Variants in CPNE8 observed in about 807,000 individuals in gnomAD.
CPNE8 encodes the protein copine-8.
A neutral mutation model predicts 81.5 loss-of-function variants in CPNE8; 45 were observed. The ratio of observed to expected loss-of-function variants is 0.55; its 90% CI spans 0.44 to 0.71. The LOEUF (loss-of-function observed/expected upper bound fraction) is 0.71, where lower values mean the gene tolerates loss of function less well. CPNE8 is among the 30% of genes least tolerant of loss of function. The pLI is 0.00. For synonymous variants in CPNE8, 252 were observed against 226.3 expected (o/e 1.11, Z -1.02); for missense variants, 594 against 672.1 (o/e 0.88, Z 1.28).
intron 1 of CPNE8, among the ~76,000 whole-genome samples, chr12:38,876,213 T>C (rs985654610): frequency 1.3e-5 from 2 of 152,124 alleles, no homozygotes; most frequent in Non-Finnish European, 2.9e-5. Flanking sequence ...ATAGGACAGA[T>C]GAGTATTCTT....
upstream of CPNE8, chr12:38,906,392 G>C: frequency 1.0e-6 from 1 of 985,520 alleles, no homozygotes; most frequent in Non-Finnish European, 1.2e-6. Context: ...GAAGCAATCT[G>C]GATTCTGTCT....
At chr12:38,756,771 C>T (rs1402117431) in intron 10 of CPNE8, among the ~76,000 whole-genome samples, 1 of 152,166 alleles carries the variant, frequency 6.6e-6, no homozygotes, top group African/African-American at 2.4e-5. Flanking sequence ...ATGCATATTA[C>T]ATGGACTTCA....
intron 19 of CPNE8, among the ~76,000 whole-genome samples, 194 bp from the exon 20 acceptor site, chr12:38,654,264 C>T (rs937661584): frequency 2.6e-5 from 4 of 151,702 alleles, no homozygotes; most frequent in Non-Finnish European, 5.9e-5. Flanking sequence ...GCCTGTAATC[C>T]CAGCACTTTG....
chr12:38,712,717 A>C (rs1227904842), intron 13 of CPNE8, among the ~76,000 whole-genome samples: 1 of 152,104 alleles, frequency 6.6e-6, no homozygotes, highest in Admixed American at 6.5e-5. Context: ...CTCTTTAAAA[A>C]TTTTTTTCAA....
At chr12:38,825,039 G>A (rs1364416200) in intron 6 of CPNE8, among the ~76,000 whole-genome samples, 1 of 152,146 alleles carries the variant, frequency 6.6e-6, no homozygotes, top group Non-Finnish European at 1.5e-5. Context: ...AAGGCAGCAG[G>A]AGGCAGTGGA....
At position 38,812,178 on chromosome 12, in the gene CPNE8, G is replaced by A. The variant is rs146553525; in HGVS notation, c.407+17201C>T. Among the ~76,000 whole-genome samples the A allele has an allele frequency of 5.3e-3, 805 of 152,290 alleles. 8 individuals carry two copies. Among genetic ancestry groups the A allele is most frequent in the African/African-American group, 0.019 (775 of 41,568 alleles). On this transcript the variant is annotated intron_variant, in intron 6 of 19. Transcript: ENST00000331366. ...CAGGAACTGGGTCTACTAAAAAGGT[G>A]AGTACAAATAGGCAAGTTGAACAGG...
intron 6 of CPNE8, among the ~76,000 whole-genome samples, chr12:38,811,886 G>A (rs534310671): frequency 6.6e-6 from 1 of 152,262 alleles, no homozygotes; most frequent in African/African-American, 2.4e-5. Flanking sequence ...AATAATGTAT[G>A]TAGTGCTTAC....
At chr12:38,755,847 C>T (rs959509428) in intron 10 of CPNE8, among the ~76,000 whole-genome samples, 71 of 151,546 alleles carry the variant, frequency 4.7e-4, no homozygotes, top group African/African-American at 1.2e-3. Flanking sequence ...GAGACCATCC[C>T]GGCTAAAACG....
At chr12:38,770,023 A>T (rs1941769370) in intron 7 of CPNE8, among the ~76,000 whole-genome samples, 1 of 152,206 alleles carries the variant, frequency 6.6e-6, no homozygotes, top group South Asian at 2.1e-4. Context: ...TACTTTTAGA[A>T]ATACACTAGC....
At chr12:38,673,772 T>C (rs957810736) in intron 18 of CPNE8, among the ~76,000 whole-genome samples, 7 of 151,976 alleles carry the variant, frequency 4.6e-5, no homozygotes, top group African/African-American at 1.7e-4. Flanking sequence ...GAAAGAGGAA[T>C]AGGATTACTA....
rs921353529 is a variant in CPNE8 at position 38,799,810 on chromosome 12, C to T, written c.408-23509G>A. ...GGCCAGTGTGTGCGCGCACCGTGCGCGAGCCGAAGCAGGGCGAGGCATTGC... is the reference window on the plus strand; with the variant it reads ...GGCCAGTGTGTGCGCGCACCGTGCGTGAGCCGAAGCAGGGCGAGGCATTGC... On this transcript the variant is annotated intron_variant, in intron 6 of 19. Coordinates refer to ENST00000331366, the MANE Select transcript of CPNE8 (RefSeq NM_153634.3). 1.7e-4 allele frequency among the ~76,000 whole-genome samples: 24 copies of T among 143,568 alleles called. 1 individual carries two copies. Among genetic ancestry groups the T allele is most frequent in the East Asian group, 4.0e-4 (2 of 4,984 alleles). The allele number at this position is 143,568 out of a possible 152,430, so 94.2% of individuals were successfully genotyped here. A position where few individuals can be genotyped will look rare whatever the true frequency, so the allele number is the denominator to read the frequency against.
intron 14 of CPNE8, among the ~76,000 whole-genome samples, chr12:38,700,595 C>T (rs1939916227): frequency 6.7e-6 from 1 of 148,892 alleles, no homozygotes; most frequent in South Asian, 2.1e-4. Flanking sequence ...TTGTAAAATG[C>T]TTTTCCTGCA....
chr12:38,856,514 A>G (rs1943737566), intron 3 of CPNE8, among the ~76,000 whole-genome samples: 2 of 152,284 alleles, frequency 1.3e-5, no homozygotes, highest in Admixed American at 1.3e-4. Flanking sequence ...CTTGTCTATA[A>G]TCCTCACTAG....
chr12:38,782,692 T>TC (rs1942081811), intron 6 of CPNE8, among the ~76,000 whole-genome samples: 1 of 152,074 alleles, frequency 6.6e-6, no homozygotes, highest in South Asian at 2.1e-4. Context: ...TGTTTTGTTT[T>TC]TTTTTTGAGA....
At chr12:38,779,529 T>A (rs1942002182) in intron 6 of CPNE8, among the ~76,000 whole-genome samples, 2 of 152,160 alleles carry the variant, frequency 1.3e-5, no homozygotes, top group Non-Finnish European at 1.5e-5. Flanking sequence ...TGTATCCTAA[T>A]AATTTAAGGC....
chr12:38,833,948 A>T (rs955412450), intron 5 of CPNE8, among the ~76,000 whole-genome samples: 2 of 152,168 alleles, frequency 1.3e-5, no homozygotes, highest in Admixed American at 6.5e-5. Context: ...GCAAGAACAA[A>T]GTCCCTGAGA....
At chr12:38,699,525 T>C (rs1939883128) in intron 14 of CPNE8, among the ~76,000 whole-genome samples, 1 of 152,172 alleles carries the variant, frequency 6.6e-6, no homozygotes, top group Non-Finnish European at 1.5e-5. Flanking sequence ...GTAGAAAGAA[T>C]GGTCCACTTT....
At chr12:38,798,606 A>G (rs1942567212) in intron 6 of CPNE8, among the ~76,000 whole-genome samples, 2 of 152,180 alleles carry the variant, frequency 1.3e-5, no homozygotes, top group Admixed American at 1.3e-4. Flanking sequence ...GCCAAATTGT[A>G]AAGACCATCG....
At chr12:38,811,897 C>G (rs1200716756) in intron 6 of CPNE8, among the ~76,000 whole-genome samples, 3 of 152,060 alleles carry the variant, frequency 2.0e-5, no homozygotes, top group African/African-American at 7.2e-5. Context: ...TAGTGCTTAC[C>G]CTTTTATAGG....
Sources: allele counts gnomAD v4.1 joint callset (sites outside exome capture counted in the v4.1 genomes callset), GRCh38; gene constraint gnomAD v4.1.1; transcripts MANE v1.5; gene names NCBI Gene and HGNC (gene_info 2026-07-23, HGNC 2026-07-21).